SLC44A5: variants seen among roughly 807,000 people sequenced by gnomAD.
SLC44A5 encodes choline transporter-like protein 5.
In SLC44A5, 57 loss-of-function variants were observed where a neutral mutation model predicts 101.8. The ratio of observed to expected loss-of-function variants is 0.56; its 90% CI spans 0.45 to 0.70. The LOEUF is 0.70. Ranked by LOEUF, SLC44A5 falls within the 30% of genes least tolerant of loss-of-function variation. The pLI is 0.00. For synonymous variants in SLC44A5, 281 were observed against 290.9 expected, an observed-to-expected ratio of 0.97 and a Z score of 0.35; for missense variants, 737 against 853.1, an observed-to-expected ratio of 0.86 and a Z score of 1.70.
intron 2 of SLC44A5, among the ~76,000 whole-genome samples, chr1:75,416,111 G>T (rs1451937492): frequency 6.6e-6 from 1 of 152,160 alleles, no homozygotes; most frequent in Non-Finnish European, 1.5e-5. Context: ...TGTCACCAGG[G>T]CATGTCAGAA....
chr1:75,595,171 C>G (rs529928661), intron 1 of SLC44A5, among the ~76,000 whole-genome samples: 2 of 151,966 alleles, frequency 1.3e-5, no homozygotes, highest in East Asian at 1.9e-4. Flanking sequence ...TCTAGAGTAA[C>G]AAGTTTTAAA....
chr1:75,585,185 T>G (rs932811562), intron 1 of SLC44A5, among the ~76,000 whole-genome samples: 6 of 152,192 alleles, frequency 3.9e-5, no homozygotes, highest in Non-Finnish European at 7.3e-5. Flanking sequence ...TGTTATGTTT[T>G]GTAAAGGGAC....
intron 2 of SLC44A5, among the ~76,000 whole-genome samples, chr1:75,493,403 T>C (rs1668521468): frequency 6.6e-6 from 1 of 152,168 alleles, no homozygotes; most frequent in African/African-American, 2.4e-5. Context: ...GTATCATCAA[T>C]ATATGTGTAA....
intron 3 of SLC44A5, among the ~76,000 whole-genome samples, chr1:75,356,280 G>A (rs1054934865): frequency 3.3e-5 from 5 of 150,800 alleles, no homozygotes; most frequent in South Asian, 2.1e-4. Flanking sequence ...TGACAGCTCC[G>A]TGCATGTTAT....
At chr1:75,670,859 T>C in the SLC44A5 span, among the ~76,000 whole-genome samples, 1 of 152,162 alleles carries the variant, frequency 6.6e-6, no homozygotes, top group East Asian at 1.9e-4. Flanking sequence ...GCCAGACATA[T>C]GGTGAGGAAT....
At chr1:75,621,021 G>A in the SLC44A5 span, among the ~76,000 whole-genome samples, 2 of 152,138 alleles carry the variant, frequency 1.3e-5, no homozygotes, top group Non-Finnish European at 2.9e-5. Flanking sequence ...TAAGGTAGAA[G>A]GAAGGGGTCC....
chr1:75,672,465 C>CCCACCA, the SLC44A5 span, among the ~76,000 whole-genome samples: 6 of 152,064 alleles, frequency 3.9e-5, no homozygotes, highest in Non-Finnish European at 5.9e-5. Flanking sequence ...TCCAGAGAGT[C>CCCACCA]CCACCACCAT....
At chr1:75,288,787 A>T (rs1257278625) in intron 5 of SLC44A5, among the ~76,000 whole-genome samples, 1 of 152,098 alleles carries the variant, frequency 6.6e-6, no homozygotes, top group Admixed American at 6.5e-5. Flanking sequence ...ATAAGTGGAT[A>T]ACCTTCAGGG....
At chr1:75,272,653 C>T (rs942060004) in intron 6 of SLC44A5, among the ~76,000 whole-genome samples, 29 of 152,036 alleles carry the variant, frequency 1.9e-4, no homozygotes, top group African/African-American at 6.8e-4. Flanking sequence ...GATGTCCTTT[C>T]CCCAATTTAC....
At chr1:75,699,268 C>G in the SLC44A5 span, among the ~76,000 whole-genome samples, 2 of 151,896 alleles carry the variant, frequency 1.3e-5, no homozygotes, top group Non-Finnish European at 2.9e-5. Flanking sequence ...GTCGGGTTAC[C>G]CTCAAAGGGA....
chr1:75,230,602 A>G (rs947644582), intron 12 of SLC44A5, among the ~76,000 whole-genome samples: 1 of 150,476 alleles, frequency 6.6e-6, no homozygotes, highest in African/African-American at 2.4e-5. Context: ...TTCATGTTCT[A>G]TATCTTTCTT....
chr1:75,517,900 A>C (rs953704198), intron 2 of SLC44A5, among the ~76,000 whole-genome samples: 1 of 152,184 alleles, frequency 6.6e-6, no homozygotes, highest in African/African-American at 2.4e-5. Context: ...AAATCCCCTC[A>C]GAGCTCTTTT....
the SLC44A5 span, among the ~76,000 whole-genome samples, chr1:75,715,537 C>T: frequency 5.3e-5 from 8 of 152,244 alleles, no homozygotes; most frequent in Middle Eastern, 0.01. Flanking sequence ...CAAAAACAAG[C>T]GATGCGGATA....
intron 5 of SLC44A5, among the ~76,000 whole-genome samples, chr1:75,284,294 T>C (rs954410804): frequency 1.1e-4 from 16 of 152,276 alleles, no homozygotes; most frequent in African/African-American, 3.6e-4. Flanking sequence ...TTGATTTGAT[T>C]CTCAGTTTGG....
At chr1:75,628,017 A>C in the SLC44A5 span, among the ~76,000 whole-genome samples, 1 of 151,278 alleles carries the variant, frequency 6.6e-6, no homozygotes, top group Non-Finnish European at 1.5e-5. Flanking sequence ...GTACGTGGCG[A>C]AATAAATGAC....
the SLC44A5 span, among the ~76,000 whole-genome samples, chr1:75,698,492 A>C: frequency 6.6e-6 from 1 of 152,220 alleles, no homozygotes; most frequent in African/African-American, 2.4e-5. Flanking sequence ...CCACACCAAA[A>C]ACCCATCTGT....
chr1:75,285,503 C>T (rs1472802974), intron 5 of SLC44A5, among the ~76,000 whole-genome samples: 1 of 151,660 alleles, frequency 6.6e-6, no homozygotes, highest in African/African-American at 2.4e-5. Flanking sequence ...TTCTTTTCTT[C>T]TACTGGGTTT....
At chr1:75,210,351 T>G (rs1646828709) in intron 23 of SLC44A5, among the ~76,000 whole-genome samples, 1 of 152,136 alleles carries the variant, frequency 6.6e-6, no homozygotes, top group African/African-American at 2.4e-5. Context: ...TGAGCCACAG[T>G]GCCTAGCCAA....
At chr1:75,709,886 A>G in the SLC44A5 span, 1 of 152,232 alleles carries the variant, frequency 6.6e-6, no homozygotes, top group East Asian at 1.9e-4. Flanking sequence ...CTAAATATCC[A>G]TCAATGAATT....
Sources: allele counts gnomAD v4.1 joint callset (sites outside exome capture counted in the v4.1 genomes callset), GRCh38; gene constraint gnomAD v4.1.1; transcripts MANE v1.5; gene names NCBI Gene and HGNC (gene_info 2026-07-23, HGNC 2026-07-21).